SLC26A5: variants seen among roughly 807,000 people sequenced by gnomAD.
SLC26A5 encodes prestin.
SLC26A5 carries 51 observed loss-of-function variants against 81.0 expected under a neutral mutation model. The ratio of observed to expected loss-of-function variants is 0.63; its 90% CI spans 0.50 to 0.80. The LOEUF (loss-of-function observed/expected upper bound fraction) is 0.80, where lower values mean the gene tolerates loss of function less well. Ranked by LOEUF, SLC26A5 falls within the 30% of genes least tolerant of loss-of-function variation. The pLI, the probability that SLC26A5 is intolerant of heterozygous loss-of-function variation, is 0.00. For missense variants in SLC26A5, 771 were observed against 905.8 expected (o/e 0.85, Z 1.91); for synonymous variants, 325 against 332.8 (o/e 0.98, Z 0.25).
intron 2 of SLC26A5, among the ~76,000 whole-genome samples, chr7:103,442,478 A>G (rs1029361132): frequency 1.3e-5 from 2 of 152,166 alleles, no homozygotes; most frequent in Admixed American, 6.5e-5. Context: ...CTGGAGGGCC[A>G]TGAGGGAGGG....
At chr7:103,424,303 C>A (rs1437213845) in intron 2 of SLC26A5, among the ~76,000 whole-genome samples, 1 of 152,120 alleles carries the variant, frequency 6.6e-6, no homozygotes, top group Non-Finnish European at 1.5e-5. Context: ...TTGGTATACG[C>A]TTCCATTCTT....
In SLC26A5 at chr7:103,440,598, C is replaced by A. The variant is rs1826803150; in HGVS notation, c.-54+2485G>T. Among the ~76,000 whole-genome samples the A allele has an allele frequency of 2.0e-5, 3 of 152,246 alleles. No individual in the cohort carries two copies. In the East Asian group the frequency reaches 5.8e-4, roughly 29 times the overall value. ...AGGTCAGGAATAAATTATGAAATAA[C>A]AAAACAGCAAGTGCCCAATACTACT... is the stretch of plus-strand genomic sequence containing the variant. On this transcript the variant is annotated intron_variant, in intron 2 of 19. Transcript: ENST00000306312.
rs1379945760 is a variant in SLC26A5, at chr7:103,390,422, C to T, written c.1311+7G>A. ...AAAAACTTCACCCAAGTCCACATTA[C>T]ACACACCTGGGGCAATGATTCAAAG... is the stretch of plus-strand genomic sequence containing the variant. On this transcript the variant is annotated splice_region_variant and intron_variant, in intron 12 of 19. Coordinates refer to ENST00000306312, the MANE Select transcript of SLC26A5 (RefSeq NM_198999.3). 5 of 1,613,104 alleles carry T rather than the reference C, an allele frequency of 3.1e-6. No individual in the cohort carries two copies. In the African/African-American group the frequency reaches 5.3e-5, roughly 17 times the overall value.
intron 12 of SLC26A5, 134 bp from the exon 13 acceptor site, chr7:103,389,558 T>A: frequency 1.4e-6 from 1 of 725,450 alleles, no homozygotes. Flanking sequence ...GATGGTAGCT[T>A]TGAAGCCATG....
At chr7:103,410,278 A>C in intron 7 of SLC26A5, 107 bp downstream of exon 7, 1 of 977,110 alleles carries the variant, frequency 1.0e-6, no homozygotes, top group Admixed American at 1.9e-5. Context: ...TATGGAAATT[A>C]CTGGAGAAAA....
intron 9 of SLC26A5, among the ~76,000 whole-genome samples, chr7:103,397,716 C>CAAAA (rs72106385): frequency 2.0e-4 from 24 of 118,570 alleles, no homozygotes; most frequent in African/African-American, 8.2e-4. Context: ...GACTTCGTCT[C>CAAAA]AAAAAAAAAA....
rs1248625400 is a variant in SLC26A5, at chr7:103,374,498, G to T, written c.2136C>A (p.Gly712=). The T allele has an allele frequency of 6.2e-7, 1 of 1,613,862 alleles. No individual in the cohort carries two copies. Among genetic ancestry groups the T allele is most frequent in the East Asian group, 2.2e-5 (1 of 44,866 alleles). ...CAGCAAGTGCCTCTCTAAGTTGGCT[G>T]CCTAAAACTGCATCATGAATGCTGT... is the stretch of plus-strand genomic sequence containing the variant. The part of the protein sequence containing the change: ...LFHSIHDAVL[G]SQLREALAEQ... The change falls in exon 20 of 20, where the codon GGC becomes GGA. Residue 712 remains glycine, a synonymous_variant. Coordinates refer to ENST00000306312, the MANE Select transcript of SLC26A5 (RefSeq NM_198999.3).
chr7:103,381,009 GCATA>G (rs978098465), intron 14 of SLC26A5, among the ~76,000 whole-genome samples: 2 of 150,100 alleles, frequency 1.3e-5, no homozygotes, highest in Non-Finnish European at 3.0e-5. Flanking sequence ...CCACACACAT[GCATA>G]CACACACAAT....
At position 103,395,497 on chromosome 7, in the gene SLC26A5, G is replaced by A. The variant is rs1469802241; in HGVS notation, c.972-2431C>T. 1.5e-4 allele frequency among the ~76,000 whole-genome samples: 6 copies of A among 39,428 alleles called. No homozygotes were observed. The Admixed American group carries it at 2.2e-3, about 14-fold the overall frequency. 25.9% of individuals were successfully genotyped at this position (39,428 alleles called of 152,430 possible). A position where few individuals can be genotyped will look rare whatever the true frequency, so the allele number is the denominator to read the frequency against. On this transcript the variant is annotated intron_variant, in intron 9 of 19. Coordinates refer to ENST00000306312, the MANE Select transcript of SLC26A5 (RefSeq NM_198999.3). Reference sequence around the variant, plus strand: ...TACATATATATATACGCATATATATGTATGTATATATATATATATATATAA... The same window carrying A: ...TACATATATATATACGCATATATATATATGTATATATATATATATATATAA...
At chr7:103,405,655 C>CG (rs1044038071) in intron 8 of SLC26A5, among the ~76,000 whole-genome samples, 1 of 152,108 alleles carries the variant, frequency 6.6e-6, no homozygotes, top group African/African-American at 2.4e-5. Context: ...TCAGGAGTTA[C>CG]GGGGGTCCCA....
downstream of SLC26A5, among the ~76,000 whole-genome samples, chr7:103,371,356 G>T (rs941725880): frequency 6.9e-6 from 1 of 145,158 alleles, no homozygotes; most frequent in Non-Finnish European, 1.5e-5. Flanking sequence ...ACGGAGTCTC[G>T]CTCTGTCGCC....
chr7:103,436,071 T>C (rs1826431100), intron 2 of SLC26A5, among the ~76,000 whole-genome samples: 1 of 152,120 alleles, frequency 6.6e-6, no homozygotes, highest in Non-Finnish European at 1.5e-5. Flanking sequence ...AGAGGTTATG[T>C]TTGATGGTAG....
intron 19 of SLC26A5, among the ~76,000 whole-genome samples, chr7:103,364,513 G>A (rs563595319): frequency 2.0e-5 from 3 of 152,200 alleles, no homozygotes; most frequent in Non-Finnish European, 2.9e-5. Context: ...GGGCTTAGGC[G>A]ATCCTCCCAT....
At chr7:103,419,185 C>T (rs771863745) in intron 4 of SLC26A5, among the ~76,000 whole-genome samples, 12 of 152,176 alleles carry the variant, frequency 7.9e-5, no homozygotes, top group Non-Finnish European at 1.5e-4. Context: ...TATTAAACCT[C>T]TTTTTCTTTA....
intron 19 of SLC26A5, among the ~76,000 whole-genome samples, chr7:103,366,571 A>G (rs951641306): frequency 2.6e-5 from 4 of 152,224 alleles, no homozygotes; most frequent in African/African-American, 9.6e-5. Context: ...CAAATTTTGA[A>G]GCATTTTGGA....
At chr7:103,412,227 G>A (rs1379802452) in intron 5 of SLC26A5, among the ~76,000 whole-genome samples, 1 of 152,208 alleles carries the variant, frequency 6.6e-6, no homozygotes, top group East Asian at 1.9e-4. Flanking sequence ...TGGAAAGTAT[G>A]TGTGTGTTAG....
intron 19 of SLC26A5, chr7:103,361,925 C>G (rs766525089): frequency 6.3e-7 from 1 of 1,586,970 alleles, no homozygotes; most frequent in African/African-American, 1.4e-5. Flanking sequence ...GGCTTAGGTT[C>G]CTTATTCTAA....
intron 14 of SLC26A5, among the ~76,000 whole-genome samples, chr7:103,381,672 T>C (rs1249981720): frequency 6.8e-6 from 1 of 147,770 alleles, no homozygotes; most frequent in Non-Finnish European, 1.5e-5. Context: ...ACACACATAA[T>C]ACACATACGT....
At position 103,377,767 on chromosome 7, in the gene SLC26A5, C is replaced by T. The variant is rs1347468457; in HGVS notation, c.1818G>A (p.Lys606=). The T allele has an allele frequency of 1.2e-6, 2 of 1,614,046 alleles. No individual in the cohort carries two copies. Among genetic ancestry groups the T allele is most frequent in the African/African-American group, 2.7e-5 (2 of 75,046 alleles). ...TTACTTCACCATCCTCTTCTTCAGG[C>T]TTGGTAGCATCCTCTCCATCTACTT... ...DAEVDGEDAT[K]PEEEDGEVKY... is the part of the protein sequence containing the mutation. The change falls in exon 18 of 20, where the codon AAG becomes AAA. Residue 606 remains lysine (K), a synonymous_variant. Coordinates refer to ENST00000306312, the MANE Select transcript of SLC26A5 (RefSeq NM_198999.3).
Sources: allele counts gnomAD v4.1 joint callset (sites outside exome capture counted in the v4.1 genomes callset), GRCh38; gene constraint gnomAD v4.1.1; transcripts MANE v1.5; gene names NCBI Gene and HGNC (gene_info 2026-07-23, HGNC 2026-07-21).